The following PTPRN variants were observed in gnomAD, a reference collection of about 807,000 sequenced individuals.
The protein encoded by PTPRN is receptor-type tyrosine-protein phosphatase-like N.
Under a neutral mutation model 108.5 loss-of-function variants are expected in PTPRN, and 70 were observed. The ratio of observed to expected loss-of-function variants is 0.65; its 90% CI spans 0.53 to 0.79. The LOEUF (loss-of-function observed/expected upper bound fraction) is 0.79, where lower values mean the gene tolerates loss of function less well. Among genes scored for constraint, PTPRN ranks in the 30% least tolerant of loss-of-function variants. PTPRN has a pLI of 0.00. For missense variants in PTPRN, 1,136 were observed against 1,295.5 expected, an observed-to-expected ratio of 0.88 and a Z score of 1.89; for synonymous variants, 496 against 524.6, an observed-to-expected ratio of 0.95 and a Z score of 0.75.
In PTPRN at chr2:219,297,870, T is replaced by G. The variant is rs990112957; in HGVS notation, c.1887+15A>C. On this transcript the variant is annotated intron_variant, in intron 13 of 22. Coordinates refer to ENST00000295718, the MANE Select transcript of PTPRN (RefSeq NM_002846.4). This position sits in a 1 kb window ranked among gnomAD's most constrained non-coding sequence, Gnocchi z 6.0. The stretch of plus-strand genomic sequence containing the variant: ...TTGCATTTCCTTTGCTCAATCAGCT[T>G]CTGGGGCTGCACACCTGGTACTCAA... 2 of 1,594,090 alleles carry G rather than the reference T, an allele frequency of 1.3e-6. No individual in the cohort carries two copies. Among genetic ancestry groups the G allele is most frequent in the Non-Finnish European group, 1.7e-6 (2 of 1,171,308 alleles).
intron 12 of PTPRN, 178 bp downstream of exon 12, chr2:219,298,869 G>T: frequency 1.1e-5 from 8 of 723,254 alleles, no homozygotes; most frequent in Admixed American, 1.9e-5. Flanking sequence ...GGACACCTAC[G>T]CCATCTGCTG....
chr2:219,308,015 G>A (rs941741506), intron 1 of PTPRN, 173 bp from the exon 2 acceptor site: 19 of 634,230 alleles, frequency 3.0e-5, no homozygotes, highest in Middle Eastern at 8.1e-4. Flanking sequence ...AGGAAGCATG[G>A]GATCTTGTTT....
Position 219,297,116 on chromosome 2 carries a change from T to C in PTPRN, c.2105A>G (p.His702Arg). 1 of 1,614,032 alleles carries C rather than the reference T, an allele frequency of 6.2e-7. No homozygotes were observed. The highest frequency in any genetic ancestry group is 8.5e-7 in the Non-Finnish European group (1 of 1,179,998). ...GHMILAYMED[H>R]LRNRDRLAKE... Reference sequence around the variant, plus strand: ...GGCAAGGCGGTCCCGGTTCCGCAGGTGATCCTCCATGTATGCCTGTGGGGG... The same window carrying C: ...GGCAAGGCGGTCCCGGTTCCGCAGGCGATCCTCCATGTATGCCTGTGGGGG... The change falls in exon 15 of 23, where the codon CAC becomes CGC. Residue 702 changes from histidine (H) to arginine (R), a missense_variant. His to Arg is a conservative substitution (Grantham distance 29). Transcript: ENST00000295718. The surrounding 1 kb of genome is among the most constrained non-coding windows in gnomAD (Gnocchi z 6.0).
At position 219,290,715 on chromosome 2, in the gene PTPRN, G is replaced by T; in HGVS notation, c.2795-104C>A. ...GAGGCAAAGAGCCTTGGAGGGCTGG[G>T]CAGAGCCTGGAGGTTGACAACCTGC... On this transcript the variant is annotated intron_variant, in intron 21 of 22. Transcript: ENST00000295718. The surrounding 1 kb of genome is among the most constrained non-coding windows in gnomAD (Gnocchi z 4.2). 6.7e-7 allele frequency: 1 copy of T among 1,492,960 alleles called. No homozygotes were observed. Among genetic ancestry groups the T allele is most frequent in the South Asian group, 1.2e-5 (1 of 86,696 alleles). The allele number at this position is 1,492,960 out of a possible 1,614,324, so 92.5% of individuals were successfully genotyped here.
rs1952154885 is a variant in PTPRN at position 219,295,099 on chromosome 2, C to T, written c.2551G>A (p.Val851Met). 1 of 1,613,128 alleles carries T rather than the reference C, an allele frequency of 6.2e-7. No homozygotes were observed. Among genetic ancestry groups the T allele is most frequent in the African/African-American group, 1.3e-5 (1 of 74,854 alleles). ...SEHIWCEDFLVRSFYLKNVQT... is the reference protein window; with the variant it reads ...SEHIWCEDFLMRSFYLKNVQT... ...ACGTTCTTCAGGTAGAAGCTCCGCA[C>T]CAGAAAGTCCTCGCACCAGATGTGC... Residue 851 changes from valine to methionine, a missense_variant, in exon 19 of 23, where the codon GTG (valine) becomes ATG (methionine). By Grantham distance (21) the Val-to-Met change is conservative (BLOSUM62 1). Coordinates refer to ENST00000295718, the MANE Select transcript of PTPRN (RefSeq NM_002846.4).
chr2:219,298,944 C>G, intron 12 of PTPRN, 103 bp downstream of exon 12: 2 of 1,384,488 alleles, frequency 1.4e-6, no homozygotes, highest in Admixed American at 1.7e-5. Flanking sequence ...GCCGTGCCTA[C>G]GGACACGTTT....
Position 219,299,798 on chromosome 2 carries a change from A to C in PTPRN, c.1437-12T>G. The C allele has an allele frequency of 1.2e-6, 2 of 1,600,058 alleles. No individual in the cohort carries two copies. The highest frequency in any genetic ancestry group is 1.7e-6 in the Non-Finnish European group (2 of 1,171,170). ...CCAGGCTCAGGGGCCTGGAGATGGGAGAAGGCAGAGGAAGGAAAGTGGGGC... is the reference window on the plus strand; with the variant it reads ...CCAGGCTCAGGGGCCTGGAGATGGGCGAAGGCAGAGGAAGGAAAGTGGGGC... On this transcript the variant is annotated splice_polypyrimidine_tract_variant and intron_variant, in intron 9 of 22. Transcript: ENST00000295718.
chr2:219,301,757 G>C, intron 6 of PTPRN, 38 bp from the exon 7 acceptor site: 2 of 1,582,412 alleles, frequency 1.3e-6, no homozygotes, highest in Non-Finnish European at 1.7e-6. Context: ...GGCTGATTGC[G>C]CAGTGAACTT....
chr2:219,309,186 C>A, intron 1 of PTPRN, 32 bp downstream of exon 1: 2 of 1,366,046 alleles, frequency 1.5e-6, no homozygotes, highest in South Asian at 2.5e-5. Context: ...TCCCCGCCCC[C>A]CACCACCCGC....
chr2:219,301,669 G>C lies in PTPRN; in HGVS notation c.1045C>G (p.Leu349Val). The change falls in exon 7 of 23, where the codon CTG (leucine) becomes GTG (valine). Residue 349 changes from leucine (L) to valine (V), a missense_variant. By Grantham distance (32) the Leu-to-Val change is conservative. Coordinates refer to ENST00000295718, the MANE Select transcript of PTPRN (RefSeq NM_002846.4). Reference protein sequence around the residue: ...AAVLAGYGVELRQLTPEQLST... With the variant: ...AAVLAGYGVEVRQLTPEQLST... ...AGCTGCTCAGGGGTCAGCTGACGCA[G>C]CTCTACCCCATAGCCCGCCAGCACA... The C allele has an allele frequency of 6.2e-7, 1 of 1,613,458 alleles. No individual in the cohort carries two copies. Among genetic ancestry groups the C allele is most frequent in the Non-Finnish European group, 8.5e-7 (1 of 1,179,398 alleles).
chr2:219,307,721 C>A lies in PTPRN; in HGVS notation c.166+71G>T, dbSNP rs140087698. On this transcript the variant is annotated intron_variant, in intron 2 of 22. Transcript: ENST00000295718. ...GTAGCCCTCTTCCTTTCTGGGCCTT[C>A]TCTCCCCTTCTTGTTTTTTATTGCC... is the stretch of plus-strand genomic sequence containing the variant. The A allele has an allele frequency of 6.3e-3, 9,867 of 1,567,128 alleles. 89 individuals are homozygous for A. The highest frequency in any genetic ancestry group is 0.049 in the Middle Eastern group (289 of 5,928).
Position 219,296,307 on chromosome 2 carries a change from C to CAG in PTPRN, c.2425_2426dup (p.Thr810Ter), listed in dbSNP as rs1952193318. 1 of 1,614,130 alleles carries CAG rather than the reference C, an allele frequency of 6.2e-7. No homozygotes were observed. ...TGACACCATCCTCCACCAGCGGGGT[C>CAG]AGCATGACGATGACGGTGCAGCCGC... On this transcript the variant is annotated frameshift_variant, in exon 18 of 23. Coordinates refer to ENST00000295718, the MANE Select transcript of PTPRN (RefSeq NM_002846.4). LOFTEE classifies it high-confidence loss of function. This position sits in a 1 kb window ranked among gnomAD's most constrained non-coding sequence, Gnocchi z 6.0.
At chr2:219,302,924 C>G (rs1352797136) in intron 4 of PTPRN, 87 bp from the exon 5 acceptor site, 26 of 1,500,786 alleles carry the variant, frequency 1.7e-5, no homozygotes, top group Non-Finnish European at 2.1e-5. Context: ...GCCAGGCAGG[C>G]TCAGCGGTTA....
Position 219,290,222 on chromosome 2 carries a change from G to C in PTPRN, c.*4C>G. 3 of 1,613,504 alleles carry C rather than the reference G, an allele frequency of 1.9e-6. No individual in the cohort carries two copies. Among genetic ancestry groups the C allele is most frequent in the Non-Finnish European group, 2.5e-6 (3 of 1,179,462 alleles). On this transcript the variant is annotated 3_prime_UTR_variant, in exon 23 of 23. Transcript: ENST00000295718. This position sits in a 1 kb window ranked among gnomAD's most constrained non-coding sequence, Gnocchi z 4.2. ...TGGGCTGCCCGCCAAGGGGCCCCAG[G>C]GTCTCACTGGGGCAGGGCCTTGAGG...
In PTPRN at chr2:219,296,649, C is replaced by T; in HGVS notation, c.2310+100G>A. On this transcript the variant is annotated intron_variant, in intron 16 of 22. Coordinates refer to ENST00000295718, the MANE Select transcript of PTPRN (RefSeq NM_002846.4). This position sits in a 1 kb window ranked among gnomAD's most constrained non-coding sequence, Gnocchi z 6.0. The stretch of plus-strand genomic sequence containing the variant: ...GCTAGGATATCAGGCCCCACCACTC[C>T]AGGGGGTTGGTGGGGTGGCAGGTGA... 2 of 1,564,624 alleles carry T rather than the reference C, an allele frequency of 1.3e-6. No homozygotes were observed. Among genetic ancestry groups the T allele is most frequent in the Non-Finnish European group, 1.8e-6 (2 of 1,142,646 alleles).
At chr2:219,301,279 A>G (rs1022197341) in intron 7 of PTPRN, among the ~76,000 whole-genome samples, 1 of 152,048 alleles carries the variant, frequency 6.6e-6, no homozygotes, top group African/African-American at 2.4e-5. Context: ...AGTACTGGCT[A>G]TGCCCGTTTT....
At position 219,296,988 on chromosome 2, in the gene PTPRN, G is replaced by A. The variant is rs1328884277; in HGVS notation, c.2233C>T (p.Pro745Ser). 9 of 1,613,568 alleles carry A rather than the reference G, an allele frequency of 5.6e-6. No homozygotes were observed. The highest frequency in any genetic ancestry group is 7.6e-6 in the Non-Finnish European group (9 of 1,179,916). The change falls in exon 15 of 23, where the codon CCC (proline) becomes TCC (serine). Residue 745 changes from proline to serine, a missense_variant. Physicochemically the swap from Pro to Ser is moderately conservative, Grantham distance 74. Coordinates refer to ENST00000295718, the MANE Select transcript of PTPRN (RefSeq NM_002846.4). This position sits in a 1 kb window ranked among gnomAD's most constrained non-coding sequence, Gnocchi z 6.0. ...IKKNRHPDFL[P>S]YDHARIKLKV... The stretch of plus-strand genomic sequence containing the variant: ...TGGGCCAGCAGGGTTCACTCACAGG[G>A]CAGGAAGTCAGGATGCCGGTTCTTT...
chr2:219,295,234 C>T (rs1952161436), intron 18 of PTPRN, 93 bp from the exon 19 acceptor site: 2 of 1,416,088 alleles, frequency 1.4e-6, no homozygotes, highest in Non-Finnish European at 1.9e-6. Flanking sequence ...TCTCTCCAAC[C>T]ACCGCCCGGC....
intron 11 of PTPRN, 70 bp downstream of exon 11, chr2:219,299,235 A>T: frequency 1.3e-6 from 2 of 1,599,718 alleles, no homozygotes; most frequent in Non-Finnish European, 1.7e-6. Flanking sequence ...CATCAGCAAC[A>T]GGCCTGGATA....
Sources: allele counts gnomAD v4.1 joint callset (sites outside exome capture counted in the v4.1 genomes callset), GRCh38; gene constraint gnomAD v4.1.1; non-coding constraint Gnocchi (gnomAD v3.1); transcripts MANE v1.5; gene names NCBI Gene and HGNC (gene_info 2026-07-23, HGNC 2026-07-21).